Variants in TBC1D31 observed in about 807,000 individuals in gnomAD.
The protein encoded by TBC1D31 is WD repeat domain 67.
A neutral mutation model predicts 132.9 loss-of-function variants in TBC1D31; 99 were observed. That is an observed-to-expected ratio of 0.74 (90% CI 0.63 to 0.88). The LOEUF (loss-of-function observed/expected upper bound fraction) is 0.88, where lower values mean the gene tolerates loss of function less well. Among genes scored for constraint, TBC1D31 ranks in the 40% least tolerant of loss-of-function variants. The pLI is 0.00. For synonymous variants in TBC1D31, 385 were observed against 419.4 expected (o/e 0.92, Z 1.00); for missense variants, 1,134 against 1,256.6 (o/e 0.90, Z 1.48).
intron 5 of TBC1D31, among the ~76,000 whole-genome samples, chr8:123,095,251 C>T (rs1816736501): frequency 6.6e-6 from 1 of 152,074 alleles, no homozygotes. Context: ...GAACAGTTTT[C>T]TTTTGTGACG....
chr8:123,134,248 G>A (rs1272444527), intron 17 of TBC1D31, 42 bp downstream of exon 17: 2 of 1,545,768 alleles, frequency 1.3e-6, no homozygotes, highest in East Asian at 2.3e-5. Context: ...GCAGGTTTTG[G>A]CCAGGCTCAG....
intron 17 of TBC1D31, among the ~76,000 whole-genome samples, chr8:123,136,288 T>A (rs575029795): frequency 6.6e-6 from 1 of 152,128 alleles, no homozygotes; most frequent in Non-Finnish European, 1.5e-5. Flanking sequence ...AAATAAGAAA[T>A]GTTCGTGACT....
At chr8:123,157,309 T>C in the TBC1D31 span, among the ~76,000 whole-genome samples, 2 of 152,148 alleles carry the variant, frequency 1.3e-5, no homozygotes, top group East Asian at 1.9e-4. Context: ...AGGCACCTAG[T>C]AAGGGTTTCC....
chr8:123,151,520 A>T (rs1228244868), intron 21 of TBC1D31, among the ~76,000 whole-genome samples: 1 of 152,220 alleles, frequency 6.6e-6, no homozygotes, highest in African/African-American at 2.4e-5. Context: ...CAGTTGCACA[A>T]ACTCAAATTC....
intron 14 of TBC1D31, 115 bp from the exon 15 acceptor site, chr8:123,128,951 G>T: frequency 3.0e-6 from 2 of 657,546 alleles, no homozygotes; most frequent in East Asian, 3.1e-5. Flanking sequence ...ATTAAAGATA[G>T]TTAATTCTTG....
Position 123,127,302 on chromosome 8 carries a change from G to A in TBC1D31, c.1884+615G>A, listed in dbSNP as rs577626187. On this transcript the variant is annotated intron_variant, in intron 13 of 21. Coordinates refer to ENST00000287380, the MANE Select transcript of TBC1D31 (RefSeq NM_145647.4). ...TTTTTTTTTTTGGAGACAGAGTCTC[G>A]CTCTGTTGCCCAGGCTGGAGTGCAA... 4.6e-5 allele frequency among the ~76,000 whole-genome samples: 5 copies of A among 108,028 alleles called. No individual in the cohort carries two copies. In the East Asian group the frequency reaches 8.0e-4, roughly 17 times the overall value. 70.9% of individuals were successfully genotyped at this position (108,028 alleles called of 152,430 possible).
At chr8:123,122,616 C>A (rs553757796) in intron 11 of TBC1D31, among the ~76,000 whole-genome samples, 1 of 152,098 alleles carries the variant, frequency 6.6e-6, no homozygotes, top group Admixed American at 6.5e-5. Context: ...GATAGTATAA[C>A]CCTGAATGGG....
At chr8:123,077,305 CACTG>C (rs1403842433) in intron 2 of TBC1D31, 48 bp downstream of exon 2, 3 of 1,517,918 alleles carry the variant, frequency 2.0e-6, no homozygotes, top group Non-Finnish European at 8.9e-7. Flanking sequence ...GTTATTAATT[CACTG>C]ACTGTTTTCG....
the TBC1D31 span, among the ~76,000 whole-genome samples, chr8:123,163,302 T>C: frequency 6.6e-6 from 1 of 152,114 alleles, no homozygotes; most frequent in Non-Finnish European, 1.5e-5. Context: ...TAAATGAGTT[T>C]GGTTATCCTA....
chr8:123,079,835 CCATTACCTTATTCATAAAGTTCAGCCCT>C (rs201304254), intron 2 of TBC1D31, among the ~76,000 whole-genome samples: 20,305 of 151,846 alleles, frequency 0.13, 2,232 homozygotes, highest in South Asian at 0.23. Flanking sequence ...AGTTCAGCCC[CCATTACCTTATTCATAAAGTTCAGCCCT>C]CATTACCTTA....
chr8:123,146,075 G>T (rs568717540), intron 20 of TBC1D31, among the ~76,000 whole-genome samples: 1 of 152,082 alleles, frequency 6.6e-6, no homozygotes, highest in South Asian at 2.1e-4. Context: ...TCGCCATGTT[G>T]GCCATGCTGG....
At chr8:123,088,679 T>C (rs1816029157) in intron 4 of TBC1D31, among the ~76,000 whole-genome samples, 1 of 152,230 alleles carries the variant, frequency 6.6e-6, no homozygotes, top group African/African-American at 2.4e-5. Flanking sequence ...ATATTTTAAA[T>C]AGAACTTTTA....
At chr8:123,083,023 T>C (rs891306908) in intron 3 of TBC1D31, 21 of 509,620 alleles carry the variant, frequency 4.1e-5, no homozygotes, top group Non-Finnish European at 5.9e-5. Context: ...ACTGTCAGGT[T>C]TGATAATTTA....
At chr8:123,142,561 G>C (rs1349961042) in intron 19 of TBC1D31, 105 bp downstream of exon 19, 2 of 942,236 alleles carry the variant, frequency 2.1e-6, no homozygotes, top group Non-Finnish European at 3.0e-6. Flanking sequence ...TTCAAACTCG[G>C]GGCCTTAAGC....
Position 123,129,186 on chromosome 8 carries a change from A to G in TBC1D31, c.2238A>G (p.Gln746=), listed in dbSNP as rs1563738223. 6 of 1,603,792 alleles carry G rather than the reference A, an allele frequency of 3.7e-6. No homozygotes were observed. The highest frequency in any genetic ancestry group is 4.3e-6 in the Non-Finnish European group (5 of 1,172,748). ...AAACAAGAAGAGAAATGCTCTTACA[A>G]GAGGAGGAGAAAATGATACAACAAA... The part of the protein sequence containing the change: ...AEETRREMLL[Q]EEEKMIQQRQ... The change falls in exon 15 of 22, where the codon CAA becomes CAG. Residue 746 remains glutamine, a synonymous_variant. Coordinates refer to ENST00000287380, the MANE Select transcript of TBC1D31 (RefSeq NM_145647.4).
chr8:123,089,649 A>G (rs2130059262), intron 4 of TBC1D31, among the ~76,000 whole-genome samples: 1 of 152,368 alleles, frequency 6.6e-6, no homozygotes, highest in African/African-American at 2.4e-5. Flanking sequence ...CAGAGGTTGC[A>G]GTGAACCAAG....
chr8:123,164,150 G>A, the TBC1D31 span, among the ~76,000 whole-genome samples: 1 of 152,166 alleles, frequency 6.6e-6, no homozygotes, highest in East Asian at 1.9e-4. Flanking sequence ...TTCAGCTCCA[G>A]GCTGAGCCTG....
chr8:123,154,954 G>T (rs775401398), downstream of TBC1D31, among the ~76,000 whole-genome samples: 1 of 152,126 alleles, frequency 6.6e-6, no homozygotes, highest in African/African-American at 2.4e-5. Flanking sequence ...AGCATCATGC[G>T]CATTGTAAGG....
At chr8:123,150,820 A>C (rs1189108886) in intron 21 of TBC1D31, among the ~76,000 whole-genome samples, 2 of 152,258 alleles carry the variant, frequency 1.3e-5, no homozygotes, top group African/African-American at 4.8e-5. Flanking sequence ...GGAGGAGAAA[A>C]GACACTCTGT....
Sources: allele counts gnomAD v4.1 joint callset (sites outside exome capture counted in the v4.1 genomes callset), GRCh38; gene constraint gnomAD v4.1.1; transcripts MANE v1.5; gene names NCBI Gene and HGNC (gene_info 2026-07-23, HGNC 2026-07-21).